EIF4ENIF1: variants seen among roughly 807,000 people sequenced by gnomAD.
EIF4ENIF1 encodes the protein eukaryotic translation initiation factor 4E transporter.
A neutral mutation model predicts 110.5 loss-of-function variants in EIF4ENIF1; 23 were observed. The observed-to-expected ratio is 0.21, with a 90% CI of 0.15 to 0.29. EIF4ENIF1 has a LOEUF of 0.29. Among genes scored for constraint, EIF4ENIF1 ranks in the 10% least tolerant of loss-of-function variants. The probability of loss-of-function intolerance (pLI) is 1.00; values close to 1 mark genes in which losing one functional copy is unlikely to be tolerated. For synonymous variants in EIF4ENIF1, 440 were observed against 437.0 expected, an observed-to-expected ratio of 1.01 and a Z score of -0.09; for missense variants, 1,031 against 1,221.1, an observed-to-expected ratio of 0.84 and a Z score of 2.32.
chr22:31,486,269 TC>T (rs1350086110), intron 2 of EIF4ENIF1, among the ~76,000 whole-genome samples: 7 of 18,052 alleles, frequency 3.9e-4, no homozygotes, highest in African/African-American at 2.2e-3. Flanking sequence ...AAACTCCGTC[TC>T]AAAAAAAAAA....
chr22:31,468,277 A>C lies in EIF4ENIF1; in HGVS notation c.196T>G (p.Trp66Gly). The C allele has an allele frequency of 6.2e-7, 1 of 1,614,186 alleles. No individual in the cohort carries two copies. The highest frequency in any genetic ancestry group is 8.5e-7 in the Non-Finnish European group (1 of 1,180,038). ...DSDGVWDPEK[W>G]HASLYPASGR... ...GAAGCTGGGTAGAGAGAGGCATGCCACTTCTCAGGGTCCCAGACACCATCA... is the reference window on the plus strand; with the variant it reads ...GAAGCTGGGTAGAGAGAGGCATGCCCCTTCTCAGGGTCCCAGACACCATCA... Residue 66 changes from tryptophan (W) to glycine (G), a missense_variant, in exon 4 of 19, where the codon TGG (tryptophan) becomes GGG (glycine). By Grantham distance (184) the Trp-to-Gly change is radical. Transcript: ENST00000330125.
chr22:31,448,943 A>T (rs1777862369), intron 12 of EIF4ENIF1, among the ~76,000 whole-genome samples: 1 of 152,218 alleles, frequency 6.6e-6, no homozygotes, highest in Non-Finnish European at 1.5e-5. Flanking sequence ...AAAAATCTAT[A>T]ACATGAACAT....
At position 31,474,772 on chromosome 22, in the gene EIF4ENIF1, T is replaced by C. The variant is rs566819427; in HGVS notation, c.97-2855A>G. ...AACAAACTACTGCCTCCTTTTGGTA[T>C]ACTTTGAAATATTTTTTATAATAAA... On this transcript the variant is annotated intron_variant, in intron 2 of 18. Transcript: ENST00000330125. 8.5e-5 allele frequency among the ~76,000 whole-genome samples: 13 copies of C among 152,312 alleles called. No homozygotes were observed. The East Asian group carries it at 2.3e-3, about 27-fold the overall frequency.
chr22:31,491,278 A>G (rs182147554), upstream of EIF4ENIF1, among the ~76,000 whole-genome samples: 8 of 152,346 alleles, frequency 5.3e-5, no homozygotes, highest in Non-Finnish European at 1.0e-4. Flanking sequence ...GTTGCAGGTG[A>G]TAATACAGAT....
At chr22:31,445,000 G>T (rs754390291) in intron 14 of EIF4ENIF1, among the ~76,000 whole-genome samples, 4 of 152,230 alleles carry the variant, frequency 2.6e-5, no homozygotes, top group Non-Finnish European at 5.9e-5. Context: ...GGAGGGGTTA[G>T]AAGAAATAAC....
At chr22:31,490,705 A>C (rs1010045396), upstream of EIF4ENIF1, among the ~76,000 whole-genome samples, 6 of 152,132 alleles carry the variant, frequency 3.9e-5, no homozygotes, top group Non-Finnish European at 7.3e-5. Context: ...CAAATATGTG[A>C]GCAGTGTGGG....
At chr22:31,455,451 T>C in intron 8 of EIF4ENIF1, 136 bp from the exon 9 acceptor site, 3 of 744,162 alleles carry the variant, frequency 4.0e-6, no homozygotes, top group South Asian at 7.2e-5. Context: ...CAGGCTGGAG[T>C]GCAGTGGCGC....
At chr22:31,464,847 T>C (rs1220790582) in intron 4 of EIF4ENIF1, among the ~76,000 whole-genome samples, 1 of 150,150 alleles carries the variant, frequency 6.7e-6, no homozygotes, top group Non-Finnish European at 1.5e-5. Context: ...TAGGCAAAGT[T>C]TTCTTAGGCA....
In EIF4ENIF1 at chr22:31,468,201, C is replaced by A; in HGVS notation, c.272G>T (p.Arg91Leu). 6.2e-7 allele frequency: 1 copy of A among 1,614,104 alleles called. No individual in the cohort carries two copies. ...ESLKKELDTDRPSLVRRIVDP... is the reference protein window; with the variant it reads ...ESLKKELDTDLPSLVRRIVDP... ...TACTATCCTGCGCACCAGGGAAGGC[C>A]GGTCTGTATCCAACTCTTTCTTCAG... is the stretch of plus-strand genomic sequence containing the variant. Residue 91 changes from arginine to leucine, a missense_variant, in exon 4 of 19, where the codon CGG becomes CTG. Physicochemically the swap from Arg to Leu is moderately radical, Grantham distance 102. Coordinates refer to ENST00000330125, the MANE Select transcript of EIF4ENIF1 (RefSeq NM_019843.4).
rs1555904101 is a variant in EIF4ENIF1, at chr22:31,450,362, T to C, written c.1513-2A>G. On this transcript the variant is annotated splice_acceptor_variant, in intron 10 of 18. Transcript: ENST00000330125. LOFTEE classifies it high-confidence loss of function. ...CATCAAATGGCTTTCAAGGTTTCGC[T>C]AAAAGAGTCAAAAGAAAACTGGTTT... The C allele has an allele frequency of 6.2e-7, 1 of 1,612,828 alleles. No individual in the cohort carries two copies. The highest frequency in any genetic ancestry group is 8.5e-7 in the Non-Finnish European group (1 of 1,179,074).
intron 4 of EIF4ENIF1, among the ~76,000 whole-genome samples, chr22:31,464,702 ATATAT>A (rs2051124499): frequency 2.6e-5 from 2 of 77,680 alleles, no homozygotes; most frequent in African/African-American, 1.1e-4. Context: ...AAAAAAAAAT[ATATAT>A]ATATATATAT....
intron 12 of EIF4ENIF1, among the ~76,000 whole-genome samples, chr22:31,448,706 T>G (rs1272997970): frequency 6.6e-6 from 1 of 152,206 alleles, no homozygotes; most frequent in African/African-American, 2.4e-5. Flanking sequence ...TGTAAATACT[T>G]TGCTAAGACA....
At chr22:31,470,421 T>C (rs550430200) in intron 3 of EIF4ENIF1, among the ~76,000 whole-genome samples, 103 of 151,584 alleles carry the variant, frequency 6.8e-4, no homozygotes, top group African/African-American at 2.2e-3. Context: ...GCTGGGACTA[T>C]AGGCATGTGC....
At chr22:31,456,134 A>C in intron 7 of EIF4ENIF1, 147 bp from the exon 8 acceptor site, 4 of 764,956 alleles carry the variant, frequency 5.2e-6, no homozygotes, top group Non-Finnish European at 4.0e-6. Flanking sequence ...GAATTTGAAC[A>C]CCTTTTTCTT....
upstream of EIF4ENIF1, among the ~76,000 whole-genome samples, chr22:31,492,703 G>A (rs1374736575): frequency 6.6e-6 from 1 of 152,154 alleles, no homozygotes; most frequent in Non-Finnish European, 1.5e-5. Context: ...GTTTTTGAGT[G>A]TTACTCTCCT....
At chr22:31,459,013 T>C (rs1234127282) in intron 6 of EIF4ENIF1, among the ~76,000 whole-genome samples, 6 of 146,636 alleles carry the variant, frequency 4.1e-5, no homozygotes, top group Non-Finnish European at 9.0e-5. Context: ...CTGTAGTCTC[T>C]ACCTCCTGGG....
chr22:31,478,607 C>T (rs182963772), intron 2 of EIF4ENIF1, among the ~76,000 whole-genome samples: 33 of 147,438 alleles, frequency 2.2e-4, no homozygotes, highest in Middle Eastern at 7.2e-3. Flanking sequence ...CACGAGGTCA[C>T]GAGATCGAGA....
chr22:31,443,713 C>T (rs559128709), intron 15 of EIF4ENIF1, among the ~76,000 whole-genome samples: 10 of 151,894 alleles, frequency 6.6e-5, no homozygotes, highest in South Asian at 2.1e-4. Flanking sequence ...CAAAGACCCA[C>T]GTGGGGTTCT....
intron 2 of EIF4ENIF1, among the ~76,000 whole-genome samples, chr22:31,487,589 G>A (rs1175969157): frequency 6.6e-6 from 1 of 151,920 alleles, no homozygotes; most frequent in African/African-American, 2.4e-5. Context: ...TTAAGCCCAG[G>A]AGTTTGCCTG....
Sources: allele counts gnomAD v4.1 joint callset (sites outside exome capture counted in the v4.1 genomes callset), GRCh38; gene constraint gnomAD v4.1.1; transcripts MANE v1.5; gene names NCBI Gene and HGNC (gene_info 2026-07-23, HGNC 2026-07-21).